Variants in VPS13B observed in about 807,000 individuals in gnomAD.
The protein encoded by VPS13B is vacuolar protein sorting 13 homolog B, also known as intermembrane lipid transfer protein VPS13B.
Under a neutral mutation model 426.4 loss-of-function variants are expected in VPS13B, and 285 were observed. The ratio of observed to expected loss-of-function variants is 0.67; its 90% CI spans 0.61 to 0.74. The LOEUF (loss-of-function observed/expected upper bound fraction) is 0.74, where lower values mean the gene tolerates loss of function less well. Ranked by LOEUF, VPS13B falls within the 30% of genes least tolerant of loss-of-function variation. The pLI is 0.00. For missense variants in VPS13B, 4,537 were observed against 4,782.6 expected (o/e 0.95, Z 1.51); for synonymous variants, 1,676 against 1,676.4 (o/e 1.00, Z 0.01).
chr8:99,782,997 T>TG (rs1812091185), intron 42 of VPS13B, among the ~76,000 whole-genome samples: 2 of 152,106 alleles, frequency 1.3e-5, no homozygotes, highest in South Asian at 4.1e-4. Context: ...CAAGGGCCTC[T>TG]GGAAGAATAA....
At chr8:99,825,554 T>A (rs1019700892) in intron 51 of VPS13B, among the ~76,000 whole-genome samples, 6 of 152,250 alleles carry the variant, frequency 3.9e-5, no homozygotes, top group African/African-American at 1.4e-4. Context: ...TCTTTTGCTG[T>A]GCAGAAGCTC....
chr8:99,099,251 A>G (rs1846599978), intron 4 of VPS13B, among the ~76,000 whole-genome samples: 1 of 152,228 alleles, frequency 6.6e-6, no homozygotes, highest in Non-Finnish European at 1.5e-5. Flanking sequence ...TCAGCATTTC[A>G]TAAAAGACAA....
intron 17 of VPS13B, among the ~76,000 whole-genome samples, chr8:99,212,189 G>T (rs1379311985): frequency 6.6e-6 from 1 of 152,212 alleles, no homozygotes; most frequent in African/African-American, 2.4e-5. Context: ...CACCGCACCT[G>T]GCCCAGTCGT....
chr8:99,452,625 A>G (rs1031864936), intron 23 of VPS13B, among the ~76,000 whole-genome samples: 15 of 152,188 alleles, frequency 9.9e-5, no homozygotes, highest in Non-Finnish European at 2.1e-4. Context: ...TCCATAAACA[A>G]TTGAAAAATA....
rs117278117 is a variant in VPS13B at position 99,339,271 on chromosome 8, A to G, written c.2825-44937A>G. On this transcript the variant is annotated intron_variant, in intron 19 of 61. Transcript: ENST00000357162. ...CCTAAGACTGGGTAACTTATAAAGA[A>G]TAGAGGTTTGATTGGCTCACAGTAG... Among the ~76,000 whole-genome samples, 16 of 151,874 alleles carry G rather than the reference A, an allele frequency of 1.1e-4. No homozygotes were observed. In the East Asian group the frequency reaches 3.1e-3, roughly 29 times the overall value.
intron 30 of VPS13B, among the ~76,000 whole-genome samples, chr8:99,523,014 A>G (rs1368449319): frequency 1.3e-5 from 2 of 152,222 alleles, no homozygotes; most frequent in Admixed American, 6.5e-5. Context: ...TAACCATGAA[A>G]TCTCAGTGAA....
chr8:99,068,556 G>T (rs759860776), intron 3 of VPS13B, among the ~76,000 whole-genome samples: 4 of 152,120 alleles, frequency 2.6e-5, no homozygotes, highest in East Asian at 1.9e-4. Flanking sequence ...ATATTAGGCC[G>T]TTTTCACACT....
chr8:99,024,020 A>T (rs1371483882), intron 2 of VPS13B, among the ~76,000 whole-genome samples: 1 of 152,198 alleles, frequency 6.6e-6, no homozygotes, highest in South Asian at 2.1e-4. Context: ...TGTTCCCACC[A>T]AAAGTGTGTA....
chr8:99,147,781 GTTGT>G (rs1222060850), intron 13 of VPS13B, 56 bp from the exon 14 acceptor site: 39 of 1,149,050 alleles, frequency 3.4e-5, no homozygotes, highest in East Asian at 2.1e-4. Flanking sequence ...TCATTTTTCA[GTTGT>G]TTAAGAATAT....
intron 2 of VPS13B, among the ~76,000 whole-genome samples, chr8:99,019,501 ATT>A (rs1841784855): frequency 6.6e-6 from 1 of 152,102 alleles, no homozygotes; most frequent in East Asian, 1.9e-4. Flanking sequence ...TGCCTGGCCC[ATT>A]TTAATCATTT....
intron 41 of VPS13B, 124 bp downstream of exon 41, chr8:99,777,080 G>T: frequency 8.1e-7 from 1 of 1,239,922 alleles, no homozygotes; most frequent in Admixed American, 1.7e-5. Context: ...AGCGAGCAGT[G>T]GCAAAGTTAT....
At chr8:99,614,489 G>T (rs1437772427) in intron 33 of VPS13B, among the ~76,000 whole-genome samples, 2 of 151,982 alleles carry the variant, frequency 1.3e-5, no homozygotes. Context: ...GTTTGGTCAG[G>T]CTGGTCTCGA....
chr8:99,253,217 A>G (rs1343877257), intron 17 of VPS13B, among the ~76,000 whole-genome samples: 1 of 151,988 alleles, frequency 6.6e-6, no homozygotes, highest in Non-Finnish European at 1.5e-5. Flanking sequence ...GTTATATTAC[A>G]TTTTGTTTCT....
intron 36 of VPS13B, among the ~76,000 whole-genome samples, chr8:99,703,272 A>G (rs142263948): frequency 7.8e-4 from 118 of 152,194 alleles, no homozygotes; most frequent in African/African-American, 2.7e-3. Flanking sequence ...TTAGCCTCCT[A>G]TGTTATTCTT....
chr8:99,781,895 A>G (rs922275415), intron 42 of VPS13B, among the ~76,000 whole-genome samples: 2 of 152,170 alleles, frequency 1.3e-5, no homozygotes. Context: ...CTGAAAGGAA[A>G]GAAAAATGTT....
At chr8:99,072,403 C>T (rs188901215) in intron 3 of VPS13B, among the ~76,000 whole-genome samples, 107 of 152,236 alleles carry the variant, frequency 7.0e-4, no homozygotes, top group Admixed American at 2.1e-3. Context: ...ATGGAGGCCT[C>T]GAACTCTTCC....
chr8:99,258,996 G>A (rs1416641553), intron 17 of VPS13B, among the ~76,000 whole-genome samples: 2 of 151,802 alleles, frequency 1.3e-5, no homozygotes, highest in Non-Finnish European at 2.9e-5. Context: ...AGCTTGTATT[G>A]TTTATATTAA....
Position 99,877,026 on chromosome 8 carries a change from G to A in VPS13B, c.*1360G>A, listed in dbSNP as rs1310325884. The A allele has an allele frequency of 6.6e-6, 1 of 152,084 alleles. No individual in the cohort carries two copies. Among genetic ancestry groups the A allele is most frequent in the African/African-American group, 2.4e-5 (1 of 41,356 alleles). The allele number at this position is 152,084 out of a possible 1,614,324, so 9.4% of individuals were successfully genotyped here. A position where few individuals can be genotyped will look rare whatever the true frequency, so the allele number is the denominator to read the frequency against. On this transcript the variant is annotated 3_prime_UTR_variant, in exon 62 of 62. Coordinates refer to ENST00000357162, the MANE Select transcript of VPS13B (RefSeq NM_152564.5). ...CAGGTATGCACCACCATACCTGGCTGATTTTTAAAATTTTTTCTAGAGATG... is the reference window on the plus strand; with the variant it reads ...CAGGTATGCACCACCATACCTGGCTAATTTTTAAAATTTTTTCTAGAGATG...
intron 17 of VPS13B, among the ~76,000 whole-genome samples, chr8:99,205,626 G>T (rs1393355501): frequency 6.6e-6 from 1 of 152,116 alleles, no homozygotes; most frequent in South Asian, 2.1e-4. Flanking sequence ...AAGTTACTTG[G>T]ATAGACTGAG....
Sources: gnomAD v4.1 joint callset for allele counts (sites outside exome capture counted in the v4.1 genomes callset) on GRCh38, gnomAD v4.1.1 for gene constraint, MANE v1.5 for transcripts, NCBI Gene and HGNC (gene_info 2026-07-23, HGNC 2026-07-21) for gene names.